Variants in PGM1 observed in about 807,000 individuals in gnomAD.
PGM1 encodes phosphoglucomutase 1, also known as phosphoglucomutase-1.
PGM1 carries 52 observed loss-of-function variants against 55.6 expected under a neutral mutation model. The ratio of observed to expected loss-of-function variants is 0.94; its 90% CI spans 0.75 to 1.18. PGM1 has a LOEUF of 1.18. Among genes scored for constraint, PGM1 ranks in the 50% most tolerant of loss-of-function variants. PGM1 has a pLI of 0.00. For missense variants in PGM1, 724 were observed against 729.3 expected, an observed-to-expected ratio of 0.99 and a Z score of 0.08; for synonymous variants, 287 against 271.7, an observed-to-expected ratio of 1.06 and a Z score of -0.55.
intron 10 of PGM1, chr1:63,655,820 G>A (rs1239497025): frequency 6.6e-6 from 1 of 152,502 alleles, no homozygotes; most frequent in Non-Finnish European, 1.5e-5. Context: ...GATCACTTGA[G>A]CGTAGGAGTT....
At chr1:63,617,512 G>A (rs1352385351) in intron 1 of PGM1, among the ~76,000 whole-genome samples, 1 of 151,918 alleles carries the variant, frequency 6.6e-6, no homozygotes, top group Non-Finnish European at 1.5e-5. Context: ...TTCGAGACCA[G>A]CCTGTCCAAC....
intron 4 of PGM1, among the ~76,000 whole-genome samples, chr1:63,633,061 G>A (rs562101216): frequency 6.6e-6 from 1 of 152,160 alleles, no homozygotes; most frequent in East Asian, 1.9e-4. Flanking sequence ...ACTCCTGCCA[G>A]GCCAACAAAA....
chr1:63,647,760 T>C (rs888070165), intron 7 of PGM1, among the ~76,000 whole-genome samples: 2 of 152,220 alleles, frequency 1.3e-5, no homozygotes, highest in African/African-American at 4.8e-5. Context: ...TGGATCTCTT[T>C]CCAGATGCAC....
chr1:63,615,096 C>A (rs1398813330), intron 1 of PGM1, among the ~76,000 whole-genome samples: 1 of 152,208 alleles, frequency 6.6e-6, no homozygotes, highest in Non-Finnish European at 1.5e-5. Context: ...CCCATTCCTC[C>A]AGTGCCTGGA....
intron 8 of PGM1, among the ~76,000 whole-genome samples, chr1:63,649,554 G>C (rs1338637293): frequency 6.6e-6 from 1 of 152,186 alleles, no homozygotes; most frequent in Non-Finnish European, 1.5e-5. Context: ...TCAGTTGCCT[G>C]TTCTATAAAA....
chr1:63,608,141 TCAA>T (rs34022019), intron 1 of PGM1, among the ~76,000 whole-genome samples: 61,160 of 151,798 alleles, frequency 0.4, 12,811 homozygotes, highest in African/African-American at 0.52. Flanking sequence ...ATGAATGTAC[TCAA>T]CTGGCATAAC....
At chr1:63,610,469 T>A (rs908393289) in intron 1 of PGM1, among the ~76,000 whole-genome samples, 1 of 152,246 alleles carries the variant, frequency 6.6e-6, no homozygotes, top group Admixed American at 6.5e-5. Context: ...TAAAAGTATA[T>A]ATAATCTTTG....
intron 7 of PGM1, among the ~76,000 whole-genome samples, chr1:63,643,395 A>G (rs1649567511): frequency 6.6e-6 from 1 of 152,208 alleles, no homozygotes; most frequent in Admixed American, 6.5e-5. Context: ...GTGTTAGGAC[A>G]GAGTTCCTGC....
intron 6 of PGM1, among the ~76,000 whole-genome samples, chr1:63,637,150 G>A (rs547945364): frequency 7.2e-5 from 11 of 152,226 alleles, no homozygotes; most frequent in Non-Finnish European, 1.5e-4. Context: ...AAAGTAGGCT[G>A]TAATATATCT....
intron 9 of PGM1, among the ~76,000 whole-genome samples, 178 bp downstream of exon 9, chr1:63,652,030 G>T (rs1025144583): frequency 1.3e-5 from 2 of 152,116 alleles, no homozygotes; most frequent in Non-Finnish European, 2.9e-5. Flanking sequence ...GCACTCGTTG[G>T]GACAGTGGTT....
In PGM1 at chr1:63,659,828, T is replaced by G; in HGVS notation, c.*153T>G. On this transcript the variant is annotated 3_prime_UTR_variant, in exon 11 of 11. Transcript: ENST00000371084. ...GACGAGCAGTGCATTTACAAGGCAC[T>G]GCCAAACAAGATGCCCTTGGGAGCT... 1 of 692,986 alleles carries G rather than the reference T, an allele frequency of 1.4e-6. No homozygotes were observed. Among genetic ancestry groups the G allele is most frequent in the East Asian group, 2.7e-5 (1 of 36,830 alleles). The allele number at this position is 692,986 out of a possible 1,614,324, so 42.9% of individuals were successfully genotyped here. A position where few individuals can be genotyped will look rare whatever the true frequency, so the allele number is the denominator to read the frequency against.
chr1:63,611,762 G>T (rs984780527), intron 1 of PGM1, among the ~76,000 whole-genome samples: 1 of 152,182 alleles, frequency 6.6e-6, no homozygotes, highest in Non-Finnish European at 1.5e-5. Flanking sequence ...AATTAGCTGG[G>T]TGTGGTGGCA....
At chr1:63,614,640 C>G (rs1157540252) in intron 1 of PGM1, among the ~76,000 whole-genome samples, 1 of 152,212 alleles carries the variant, frequency 6.6e-6, no homozygotes, top group Admixed American at 6.5e-5. Context: ...AGCAAGCCTT[C>G]TAACTTGGGT....
chr1:63,643,727 C>A (rs1649581086), intron 7 of PGM1, among the ~76,000 whole-genome samples: 1 of 152,200 alleles, frequency 6.6e-6, no homozygotes, highest in Non-Finnish European at 1.5e-5. Flanking sequence ...TTGGGCCAAC[C>A]CCTGTTTGGG....
intron 7 of PGM1, among the ~76,000 whole-genome samples, chr1:63,647,616 TGGTGTTTTATA>T (rs1649691348): frequency 6.6e-6 from 1 of 151,888 alleles, no homozygotes; most frequent in Non-Finnish European, 1.5e-5. Context: ...ATTTTTGTTA[TGGTGTTTTATA>T]GGGAAGAAAA....
chr1:63,650,449 T>A (rs1403194705), intron 8 of PGM1, among the ~76,000 whole-genome samples: 2 of 152,230 alleles, frequency 1.3e-5, no homozygotes, highest in Non-Finnish European at 2.9e-5. Context: ...TTGTAATTTC[T>A]TGTTGTTTAT....
At chr1:63,607,370 C>T (rs1018668419) in intron 1 of PGM1, among the ~76,000 whole-genome samples, 2 of 152,162 alleles carry the variant, frequency 1.3e-5, no homozygotes, top group African/African-American at 2.4e-5. Flanking sequence ...TGTCCTCATT[C>T]GCAAGGAGCT....
chr1:63,645,952 C>G (rs566607719), intron 7 of PGM1, among the ~76,000 whole-genome samples: 2 of 152,234 alleles, frequency 1.3e-5, no homozygotes, highest in East Asian at 3.9e-4. Context: ...GAAAGGCTCA[C>G]AAACAGATGG....
At chr1:63,651,592 T>C (rs1649808037) in intron 8 of PGM1, 77 bp from the exon 9 acceptor site, 5 of 1,379,270 alleles carry the variant, frequency 3.6e-6, no homozygotes, top group East Asian at 4.7e-5. Context: ...AAACAAATGA[T>C]GAAGAAAGTG....
Sources: allele counts gnomAD v4.1 joint callset (sites outside exome capture counted in the v4.1 genomes callset), GRCh38; gene constraint gnomAD v4.1.1; transcripts MANE v1.5; gene names NCBI Gene and HGNC (gene_info 2026-07-23, HGNC 2026-07-21).